The following KIF26A variants were observed in gnomAD, a reference collection of about 807,000 sequenced individuals.
KIF26A encodes kinesin family member 26A.
KIF26A carries 74 observed loss-of-function variants against 126.0 expected under a neutral mutation model. The observed-to-expected ratio is 0.59, with a 90% confidence interval of 0.49 to 0.71. The LOEUF is 0.71. Ranked by LOEUF, KIF26A falls within the 30% of genes least tolerant of loss-of-function variation. KIF26A has a pLI of 0.00. For missense variants in KIF26A, 2,984 were observed against 2,763.3 expected (o/e 1.08, Z -1.79); for synonymous variants, 1,445 against 1,232.7 (o/e 1.17, Z -3.61).
In KIF26A at chr14:104,167,115, G is replaced by A; in HGVS notation, c.1113+67G>A. 4.3e-6 allele frequency: 6 copies of A among 1,407,736 alleles called. No individual in the cohort carries two copies. The South Asian group carries it at 6.2e-5, about 14-fold the overall frequency. 87.2% of individuals were successfully genotyped at this position (1,407,736 alleles called of 1,614,324 possible). A position where few individuals can be genotyped will look rare whatever the true frequency, so the allele number is the denominator to read the frequency against. ...AGAGGCGTCTGAGAAGACGCAGGAGGGGTGAGGGAGTGGAGGGGCTGCCAC... is the reference window on the plus strand; with the variant it reads ...AGAGGCGTCTGAGAAGACGCAGGAGAGGTGAGGGAGTGGAGGGGCTGCCAC... On this transcript the variant is annotated intron_variant, in intron 5 of 14. Coordinates refer to ENST00000423312, the MANE Select transcript of KIF26A (RefSeq NM_015656.2).
chr14:104,159,649 G>A (rs557353493), intron 4 of KIF26A, among the ~76,000 whole-genome samples: 24 of 152,336 alleles, frequency 1.6e-4, no homozygotes, highest in Non-Finnish European at 2.8e-4. Context: ...ACCCAGAGGC[G>A]GTTCTCCCAA....
chr14:104,175,065 A>T lies in KIF26A; in HGVS notation c.2277A>T (p.Pro759=). ...CCCCGCACCTGCGGCCCTTCCACCC[A>T]CGCACTGTGGCCCTGGACCCCGACC... ...RRPPHLRPFH[P]RTVALDPDRT... Residue 759 remains proline, a synonymous_variant, in exon 12 of 15, where the codon CCA becomes CCT. Transcript: ENST00000423312. 1.3e-6 allele frequency: 2 copies of T among 1,587,742 alleles called. No individual in the cohort carries two copies. The highest frequency in any genetic ancestry group is 1.7e-6 in the Non-Finnish European group (2 of 1,169,356).
At chr14:104,142,472 T>C (rs968746060) in intron 2 of KIF26A, among the ~76,000 whole-genome samples, 1 of 144,084 alleles carries the variant, frequency 6.9e-6, no homozygotes, top group African/African-American at 2.5e-5. Context: ...CTTTCTCTAA[T>C]GGGCTGCTCT....
At position 104,173,076 on chromosome 14, in the gene KIF26A, G is replaced by T. The variant is rs2037976151; in HGVS notation, c.1520G>T (p.Arg507Met). Residue 507 changes from arginine to methionine, a missense_variant, in exon 8 of 15, where the codon AGG becomes ATG. By Grantham distance (91) the Arg-to-Met change is moderately conservative. Transcript: ENST00000423312. The stretch of plus-strand genomic sequence containing the variant: ...CTCTTCAGGCTCATCGAGGAGCGCA[G>T]GGAGAGGACGGGCACCCGCTTCTCC... ...SWLFRLIEERRERTGTRFSVR... is the reference protein window; with the variant it reads ...SWLFRLIEERMERTGTRFSVR... 6.2e-7 allele frequency: 1 copy of T among 1,604,696 alleles called. No homozygotes were observed.
rs919358224 is a variant in KIF26A at position 104,148,660 on chromosome 14, G to A, written c.289-3355G>A. Among the ~76,000 whole-genome samples the A allele has an allele frequency of 4.0e-5, 6 of 150,380 alleles. No individual in the cohort carries two copies. The highest frequency in any genetic ancestry group is 2.1e-4 in the South Asian group (1 of 4,694). The stretch of plus-strand genomic sequence containing the variant: ...TTGGCGGTGGGGGCTGTGCGTGGCC[G>A]GGGAGGGGGAGGGGGAGGGGAGGGG... On this transcript the variant is annotated intron_variant, in intron 2 of 14. Coordinates refer to ENST00000423312, the MANE Select transcript of KIF26A (RefSeq NM_015656.2). The surrounding 1 kb of genome is among the most constrained non-coding windows in gnomAD (Gnocchi z 4.3).
At chr14:104,166,790 C>A in intron 4 of KIF26A, 69 bp from the exon 5 acceptor site, 3 of 1,390,600 alleles carry the variant, frequency 2.2e-6, no homozygotes, top group Non-Finnish European at 2.9e-6. Context: ...CGCCTGGTGA[C>A]TCGCAGGCGG....
chr14:104,139,105 G>A lies in KIF26A; in HGVS notation c.105G>A (p.Arg35=). The A allele has an allele frequency of 1.4e-6, 2 of 1,471,826 alleles. No individual in the cohort carries two copies. The highest frequency in any genetic ancestry group is 1.8e-6 in the Non-Finnish European group (2 of 1,113,732). 91.2% of individuals were successfully genotyped at this position (1,471,826 alleles called of 1,614,324 possible). Residue 35 remains arginine, a synonymous_variant, in exon 2 of 15, where the codon AGG becomes AGA. Coordinates refer to ENST00000423312, the MANE Select transcript of KIF26A (RefSeq NM_015656.2). ...TGCTGGAGGTGTCCCCCCGAAAGAG[G>A]CTACCCGCCGGGCCCGACCAGGACC... ...PPLLEVSPRK[R]LPAGPDQDPC... is the part of the protein sequence containing the mutation.
At chr14:104,156,497 A>G (rs2037779157) in intron 3 of KIF26A, among the ~76,000 whole-genome samples, 2 of 152,170 alleles carry the variant, frequency 1.3e-5, no homozygotes, top group African/African-American at 2.4e-5. Context: ...GGGGGCACCC[A>G]GCTTCCATCC....
intron 1 of KIF26A, 49 bp from the exon 2 acceptor site, chr14:104,138,994 C>G: frequency 2.3e-6 from 3 of 1,323,174 alleles, no homozygotes; most frequent in East Asian, 6.3e-5. Flanking sequence ...GGTCTGGATC[C>G]GACGGACGTC....
intron 3 of KIF26A, among the ~76,000 whole-genome samples, chr14:104,154,912 G>A (rs1032522156): frequency 3.3e-5 from 5 of 152,210 alleles, no homozygotes; most frequent in South Asian, 4.1e-4. Flanking sequence ...TCCTGCCACC[G>A]CTGTGCTGGG....
Position 104,177,732 on chromosome 14 carries a change from C to T in KIF26A, c.4944C>T (p.Thr1648=), listed in dbSNP as rs769935718. The change falls in exon 12 of 15, where the codon ACC becomes ACT. Residue 1648 remains threonine, a synonymous_variant. Coordinates refer to ENST00000423312, the MANE Select transcript of KIF26A (RefSeq NM_015656.2). ...AGCTGCCGCCCGCCATGGGCCGCAC[C>T]GCCCTTTTCCACCACAGCGGTGGCA... is the stretch of plus-strand genomic sequence containing the variant. ...SGELPPAMGR[T]ALFHHSGGSS... 7.5e-5 allele frequency: 115 copies of T among 1,541,004 alleles called. No individual in the cohort carries two copies. The highest frequency in any genetic ancestry group is 4.5e-4 in the African/African-American group (33 of 73,180).
At chr14:104,155,905 C>G (rs2037772461) in intron 3 of KIF26A, among the ~76,000 whole-genome samples, 1 of 152,166 alleles carries the variant, frequency 6.6e-6, no homozygotes, top group Admixed American at 6.5e-5. Context: ...GCAGCTCTGT[C>G]CCTGCTGCAG....
chr14:104,139,820 C>T (rs1679270930), intron 2 of KIF26A, among the ~76,000 whole-genome samples: 1 of 152,228 alleles, frequency 6.6e-6, no homozygotes, highest in Admixed American at 6.5e-5. Flanking sequence ...TTGTCCCATA[C>T]CTCCTGGGAT....
chr14:104,157,608 T>C, intron 3 of KIF26A, 147 bp from the exon 4 acceptor site: 1 of 902,196 alleles, frequency 1.1e-6, no homozygotes, highest in Non-Finnish European at 1.6e-6. Flanking sequence ...CCTTCCCGGC[T>C]TCACAGGCTG....
Position 104,138,801 on chromosome 14 carries a change from C to T in KIF26A, c.42+37C>T, listed in dbSNP as rs895099106. ...CCGGCCTGGAGAGGGAGGCGGGCGGCGGGGGCCCGGGACGGCGAAGATACT... is the reference window on the plus strand; with the variant it reads ...CCGGCCTGGAGAGGGAGGCGGGCGGTGGGGGCCCGGGACGGCGAAGATACT... On this transcript the variant is annotated intron_variant, in intron 1 of 14. Coordinates refer to ENST00000423312, the MANE Select transcript of KIF26A (RefSeq NM_015656.2). The T allele has an allele frequency of 3.5e-5, 44 of 1,258,252 alleles. No individual in the cohort carries two copies. In the Admixed American group the frequency reaches 7.2e-4, roughly 21 times the overall value. 77.9% of individuals were successfully genotyped at this position (1,258,252 alleles called of 1,614,324 possible).
At chr14:104,166,276 G>T (rs959197738) in intron 4 of KIF26A, among the ~76,000 whole-genome samples, 5 of 152,272 alleles carry the variant, frequency 3.3e-5, no homozygotes, top group Non-Finnish European at 4.4e-5. Context: ...GGGGCTTGGG[G>T]TGTGGTAATC....
In KIF26A at chr14:104,166,926, C is replaced by T. The variant is rs755739731; in HGVS notation, c.991C>T (p.Arg331Cys). ...KPHPPPPPAT[R>C]GTSTYPTDFS... ...CCACCCGCCACCGCCTCCAGCCACC[C>T]GCGGCACCTCCACCTACCCCACCGA... Residue 331 changes from arginine (R) to cysteine (C), a missense_variant, in exon 5 of 15, where the codon CGC becomes TGC. Physicochemically the swap from Arg to Cys is radical, Grantham distance 180 (BLOSUM62 -3). Coordinates refer to ENST00000423312, the MANE Select transcript of KIF26A (RefSeq NM_015656.2). The T allele has an allele frequency of 5.6e-6, 9 of 1,593,498 alleles. No individual in the cohort carries two copies. Among genetic ancestry groups the T allele is most frequent in the Admixed American group, 3.5e-5 (2 of 57,672 alleles).
At chr14:104,154,484 A>G (rs2037758837) in intron 3 of KIF26A, among the ~76,000 whole-genome samples, 1 of 152,174 alleles carries the variant, frequency 6.6e-6, no homozygotes, top group South Asian at 2.1e-4. Flanking sequence ...CTCCTGGGCT[A>G]TGGAGCCGCC....
chr14:104,179,470 C>T (rs1226978256), intron 14 of KIF26A, 84 bp downstream of exon 14: 12 of 1,433,148 alleles, frequency 8.4e-6, no homozygotes, highest in Admixed American at 2.6e-5. Context: ...CTGTTGCTCT[C>T]CTGTACCTCG....
Sources: allele counts gnomAD v4.1 joint callset (sites outside exome capture counted in the v4.1 genomes callset), GRCh38; gene constraint gnomAD v4.1.1; non-coding constraint Gnocchi (gnomAD v3.1); transcripts MANE v1.5; gene names NCBI Gene and HGNC (gene_info 2026-07-23, HGNC 2026-07-21).